Variants in RYK observed in about 807,000 individuals in gnomAD.
The protein encoded by RYK is inactive tyrosine-protein kinase RYK.
A neutral mutation model predicts 70.2 loss-of-function variants in RYK; 21 were observed. That is an observed-to-expected ratio of 0.30 (90% confidence interval 0.21 to 0.43). RYK has a LOEUF of 0.43. Among genes scored for constraint, RYK ranks in the 20% least tolerant of loss-of-function variants. RYK has a pLI of 1.00. For synonymous variants in RYK, 267 were observed against 278.0 expected (o/e 0.96, Z 0.39); for missense variants, 604 against 753.3 (o/e 0.80, Z 2.32).
At chr3:134,222,883 G>A (rs1196030412) in intron 1 of RYK, among the ~76,000 whole-genome samples, 1 of 152,102 alleles carries the variant, frequency 6.6e-6, no homozygotes, top group East Asian at 1.9e-4. Flanking sequence ...ACAAAGAAAT[G>A]CCCCTTCCCC....
intron 13 of RYK, among the ~76,000 whole-genome samples, chr3:134,166,583 C>A (rs1426770646): frequency 6.6e-6 from 1 of 152,188 alleles, no homozygotes; most frequent in Non-Finnish European, 1.5e-5. Context: ...TGGATGCTAA[C>A]CAGGCCATTA....
chr3:134,211,408 CAAGT>C, intron 3 of RYK, 96 bp downstream of exon 3: 3 of 673,554 alleles, frequency 4.5e-6, no homozygotes, highest in Non-Finnish European at 7.5e-6. Flanking sequence ...TTATGCCTAT[CAAGT>C]AATACACACT....
chr3:134,173,621 A>T (rs2012999015), intron 13 of RYK, among the ~76,000 whole-genome samples: 1 of 152,168 alleles, frequency 6.6e-6, no homozygotes, highest in African/African-American at 2.4e-5. Context: ...TCACTAGAAC[A>T]GCATGGGGGA....
chr3:134,238,661 G>A (rs752550167), intron 1 of RYK, among the ~76,000 whole-genome samples: 1 of 152,112 alleles, frequency 6.6e-6, no homozygotes, highest in Non-Finnish European at 1.5e-5. Flanking sequence ...ATGATATGTC[G>A]TCAAAATCAA....
At position 134,204,238 on chromosome 3, in the gene RYK, T is replaced by A. The variant is rs543453728; in HGVS notation, c.644-1364A>T. Among the ~76,000 whole-genome samples, 6 of 152,250 alleles carry A rather than the reference T, an allele frequency of 3.9e-5. No individual in the cohort carries two copies. In the South Asian group the frequency reaches 1.2e-3, roughly 32 times the overall value. ...AGCTGGGTGCCGTGGCTCACACCTG[T>A]AATCCCAGCGCTTTGGGAGGCTGAG... On this transcript the variant is annotated intron_variant, in intron 5 of 14. Coordinates refer to ENST00000623711, the MANE Select transcript of RYK (RefSeq NM_002958.4).
intron 1 of RYK, among the ~76,000 whole-genome samples, chr3:134,229,633 A>G (rs766361442): frequency 6.6e-6 from 1 of 152,170 alleles, no homozygotes; most frequent in Non-Finnish European, 1.5e-5. Flanking sequence ...AGTCACATCT[A>G]TCTAAGAAAG....
chr3:134,222,590 T>A, intron 1 of RYK, 51 bp from the exon 2 acceptor site: 1 of 1,376,538 alleles, frequency 7.3e-7, no homozygotes, highest in South Asian at 1.3e-5. Context: ...ATTCTCAAAA[T>A]CATCCCTATC....
At chr3:134,208,734 T>C (rs551254683) in intron 4 of RYK, among the ~76,000 whole-genome samples, 1 of 152,324 alleles carries the variant, frequency 6.6e-6, no homozygotes, top group East Asian at 1.9e-4. Flanking sequence ...GTCTGCATCC[T>C]AGCTGCACCA....
At chr3:134,250,116 G>C (rs993502535) in intron 1 of RYK, among the ~76,000 whole-genome samples, 14 of 152,062 alleles carry the variant, frequency 9.2e-5, no homozygotes, top group African/African-American at 3.4e-4. Context: ...AAAGTTGTAA[G>C]GGTGACTGAC....
chr3:134,192,735 C>G (rs1019263078), intron 7 of RYK, among the ~76,000 whole-genome samples: 5 of 152,242 alleles, frequency 3.3e-5, no homozygotes, highest in Non-Finnish European at 7.4e-5. Flanking sequence ...AAACCTCCCC[C>G]CAAAATTAGT....
At chr3:134,217,804 C>A (rs1357175975) in intron 2 of RYK, among the ~76,000 whole-genome samples, 2 of 152,134 alleles carry the variant, frequency 1.3e-5, no homozygotes, top group African/African-American at 4.8e-5. Flanking sequence ...TTATTTTTCA[C>A]TGTATACCCT....
At chr3:134,176,659 T>C (rs546886027) in intron 11 of RYK, among the ~76,000 whole-genome samples, 18 of 151,254 alleles carry the variant, frequency 1.2e-4, no homozygotes, top group Middle Eastern at 7.0e-3. Flanking sequence ...GGTGGGAGGA[T>C]TGCTTAAGCA....
chr3:134,211,646 T>C (rs2014400552), intron 2 of RYK, 39 bp from the exon 3 acceptor site: 1 of 1,372,658 alleles, frequency 7.3e-7, no homozygotes, highest in South Asian at 1.2e-5. Context: ...GGACCTGTGA[T>C]AACAAGAAGG....
chr3:134,201,965 G>C (rs2014041250), intron 6 of RYK, among the ~76,000 whole-genome samples: 1 of 152,246 alleles, frequency 6.6e-6, no homozygotes, highest in South Asian at 2.1e-4. Context: ...TGTCCTCCTT[G>C]TCATCTCTGA....
chr3:134,176,536 C>G (rs764310639), intron 11 of RYK, among the ~76,000 whole-genome samples: 1 of 151,710 alleles, frequency 6.6e-6, no homozygotes, highest in African/African-American at 2.4e-5. Context: ...CCCAGGAGTT[C>G]GAGACCAACC....
chr3:134,245,751 C>G (rs143616039), intron 1 of RYK, among the ~76,000 whole-genome samples: 8 of 152,218 alleles, frequency 5.3e-5, no homozygotes, highest in African/African-American at 1.4e-4. Context: ...TGGCATATCA[C>G]CAAGCATACC....
At chr3:134,211,703 A>C (rs1013124280) in intron 2 of RYK, 96 bp from the exon 3 acceptor site, 2 of 742,772 alleles carry the variant, frequency 2.7e-6, no homozygotes, top group Admixed American at 4.5e-5. Context: ...TCAATGGATG[A>C]GCCTTTCATA....
rs71139521 is a variant in RYK, at chr3:134,246,303, TACACACACAC to T, written c.232+4110_232+4119del. Reference sequence around the variant, plus strand: ...AACCAACAGACATCTCAGAAAGAAATACACACACACACACACACACACACACACACACACA... The same window carrying T: ...AACCAACAGACATCTCAGAAAGAAATACACACACACACACACACACACACA... On this transcript the variant is annotated intron_variant, in intron 1 of 14. Coordinates refer to ENST00000623711, the MANE Select transcript of RYK (RefSeq NM_002958.4). 2.9e-3 allele frequency among the ~76,000 whole-genome samples: 255 copies of T among 89,216 alleles called. 2 individuals carry two copies. Among genetic ancestry groups the T allele is most frequent in the African/African-American group, 9.8e-3 (246 of 25,230 alleles). The allele number at this position is 89,216 out of a possible 152,430, so 58.5% of individuals were successfully genotyped here.
intron 8 of RYK, among the ~76,000 whole-genome samples, chr3:134,189,630 G>A (rs1482218029): frequency 2.0e-5 from 3 of 150,842 alleles, no homozygotes; most frequent in South Asian, 4.2e-4. Context: ...AAAATTAGCC[G>A]GGCGTGGGAG....
Sources: gnomAD v4.1 joint callset for allele counts (sites outside exome capture counted in the v4.1 genomes callset) on GRCh38, gnomAD v4.1.1 for gene constraint, MANE v1.5 for transcripts, NCBI Gene and HGNC (gene_info 2026-07-23, HGNC 2026-07-21) for gene names.